The following DDX4 variants were observed in gnomAD, a reference collection of about 807,000 sequenced individuals.
DDX4 encodes DEAD-box helicase 4.
Under a neutral mutation model 100.0 loss-of-function variants are expected in DDX4, and 25 were observed. That is an observed-to-expected ratio of 0.25 (90% CI 0.18 to 0.35). DDX4 has a LOEUF of 0.35. Among genes scored for constraint, DDX4 ranks in the 10% least tolerant of loss-of-function variants. The pLI, the probability that DDX4 is intolerant of heterozygous loss-of-function variation, is 1.00. For synonymous variants in DDX4, 259 were observed against 275.7 expected (o/e 0.94, Z 0.60); for missense variants, 635 against 882.4 (o/e 0.72, Z 3.55).
intron 16 of DDX4, 135 bp downstream of exon 16, chr5:55,790,840 T>C: frequency 1.3e-6 from 1 of 748,658 alleles, no homozygotes; most frequent in East Asian, 2.6e-5. Flanking sequence ...ATTCTTTGAA[T>C]GCATTCTTAT....
intron 3 of DDX4, among the ~76,000 whole-genome samples, chr5:55,755,606 G>A (rs184999750): frequency 5.3e-5 from 8 of 152,042 alleles, no homozygotes; most frequent in Admixed American, 3.9e-4. Context: ...CTTGGTTTTG[G>A]TTTCAAGCTT....
chr5:55,806,239 A>C, intron 18 of DDX4, among the ~76,000 whole-genome samples: 1 of 151,950 alleles, frequency 6.6e-6, no homozygotes, highest in Admixed American at 6.6e-5. Flanking sequence ...TCTTGCTAGC[A>C]GTCTGTCAAT....
chr5:55,798,617 TAATG>T (rs1580592988), intron 18 of DDX4, 46 bp downstream of exon 18: 1 of 1,518,000 alleles, frequency 6.6e-7, no homozygotes, highest in Admixed American at 2.1e-5. Flanking sequence ...TGATTTTTTT[TAATG>T]AATAATTTAA....
chr5:55,749,522 G>A lies in DDX4; in HGVS notation c.127+3301G>A, dbSNP rs142502036. 9.0e-3 allele frequency among the ~76,000 whole-genome samples: 1,363 copies of A among 152,230 alleles called. 9 individuals carry two copies. Among genetic ancestry groups the A allele is most frequent in the Non-Finnish European group, 0.013 (870 of 68,004 alleles). On this transcript the variant is annotated intron_variant, in intron 3 of 21. Coordinates refer to ENST00000505374, the MANE Select transcript of DDX4 (RefSeq NM_024415.3). Reference sequence around the variant, plus strand: ...TAGAAAGTCAGCTCTGTGCAGGGACGCACTGATGGGCTCTACCGTCAAGTG... The same window carrying A: ...TAGAAAGTCAGCTCTGTGCAGGGACACACTGATGGGCTCTACCGTCAAGTG...
chr5:55,792,452 C>T (rs991435759), intron 16 of DDX4, among the ~76,000 whole-genome samples, 189 bp from the exon 17 acceptor site: 17 of 151,612 alleles, frequency 1.1e-4, no homozygotes, highest in African/African-American at 3.4e-4. Context: ...CTCTGCCTCC[C>T]GGGTTCACAC....
chr5:55,763,372 G>T, intron 5 of DDX4, 120 bp downstream of exon 5: 1 of 696,856 alleles, frequency 1.4e-6, no homozygotes, highest in South Asian at 1.7e-5. Flanking sequence ...TATATTCTGT[G>T]AGTGCCTTTG....
intron 3 of DDX4, among the ~76,000 whole-genome samples, chr5:55,757,967 C>T (rs955288779): frequency 2.0e-5 from 3 of 152,306 alleles, no homozygotes; most frequent in African/African-American, 7.2e-5. Context: ...ATTGCTTGAA[C>T]CTGGGGGTCA....
chr5:55,813,551 G>A (rs578023283), intron 18 of DDX4, 122 bp from the exon 19 acceptor site: 2 of 1,312,354 alleles, frequency 1.5e-6, no homozygotes, highest in Non-Finnish European at 2.0e-6. Flanking sequence ...GCTTGGCTGT[G>A]GTGCTGGTAG....
chr5:55,811,892 T>TA (rs1460309881), intron 18 of DDX4, among the ~76,000 whole-genome samples: 4 of 152,176 alleles, frequency 2.6e-5, no homozygotes, highest in Admixed American at 1.3e-4. Context: ...CATGAAGGAA[T>TA]AATACTAGCT....
chr5:55,792,548 TC>T (rs1742646725), intron 16 of DDX4, 92 bp from the exon 17 acceptor site: 23 of 637,974 alleles, frequency 3.6e-5, no homozygotes, highest in Admixed American at 4.5e-5. Context: ...TTTTTTTTTT[TC>T]TTAACAGTAT....
At chr5:55,807,206 C>G (rs1485486951) in intron 18 of DDX4, among the ~76,000 whole-genome samples, 2 of 152,152 alleles carry the variant, frequency 1.3e-5, no homozygotes, top group Admixed American at 1.3e-4. Context: ...TATTTTGAGC[C>G]TATGTGTGGC....
chr5:55,757,099 G>T (rs1397008948), intron 3 of DDX4, among the ~76,000 whole-genome samples: 2 of 152,082 alleles, frequency 1.3e-5, no homozygotes, highest in Admixed American at 1.3e-4. Flanking sequence ...TTCTACTCTT[G>T]TACCATCATT....
chr5:55,765,413 A>AAAAAAAAAAATATATATATAT (rs1392558099), intron 6 of DDX4, among the ~76,000 whole-genome samples: 1 of 83,040 alleles, frequency 1.2e-5, no homozygotes, highest in African/African-American at 5.8e-5. Context: ...AAAAAAAAAA[A>AAAAAAAAAAATATATATATAT]ATATATATAT....
Position 55,814,960 on chromosome 5 carries a change from C to T in DDX4, c.1775C>T (p.Pro592Leu). ...GGAGATTTTCGCTTTGGAAAGTGCC[C>T]AGTTCTTGTTGCTACTTCAGTAGCT... Reference protein sequence around the residue: ...ALGDFRFGKCPVLVATSVAAR... With the variant: ...ALGDFRFGKCLVLVATSVAAR... Residue 592 changes from proline (P) to leucine (L), a missense_variant, in exon 20 of 22, where the codon CCA becomes CTA. By Grantham distance (98) the Pro-to-Leu change is moderately conservative. Around this residue, in one of 4 missense-constraint regions of DDX4, gnomAD observed 115 missense variants for 224.7 expected, o/e 0.51. Transcript: ENST00000505374. 1 of 1,614,182 alleles carries T rather than the reference C, an allele frequency of 6.2e-7. No homozygotes were observed. Among genetic ancestry groups the T allele is most frequent in the Middle Eastern group, 1.6e-4 (1 of 6,062 alleles).
intron 9 of DDX4, among the ~76,000 whole-genome samples, 162 bp from the exon 10 acceptor site, chr5:55,781,772 A>G (rs561643838): frequency 1.2e-3 from 163 of 131,430 alleles, no homozygotes; most frequent in Middle Eastern, 0.012. Flanking sequence ...GTGAGACTTG[A>G]AAAAAAAAAA....
intron 19 of DDX4, 89 bp from the exon 20 acceptor site, chr5:55,814,811 TA>T (rs1744300752): frequency 1.7e-5 from 25 of 1,430,900 alleles, no homozygotes; most frequent in Non-Finnish European, 2.4e-5. Flanking sequence ...TTCATACTAT[TA>T]TTAAAAAGAA....
At chr5:55,780,168 A>G in intron 8 of DDX4, 103 bp downstream of exon 8, 1 of 1,482,648 alleles carries the variant, frequency 6.7e-7, no homozygotes, top group Non-Finnish European at 9.1e-7. Flanking sequence ...TTATATGAGA[A>G]TAGCTTAGCT....
intron 6 of DDX4, among the ~76,000 whole-genome samples, chr5:55,765,875 G>T (rs957696714): frequency 3.3e-5 from 5 of 152,044 alleles, no homozygotes; most frequent in African/African-American, 1.2e-4. Flanking sequence ...TACAGTCTTG[G>T]CTCACTGCAA....
chr5:55,762,237 G>T (rs1370371816), intron 4 of DDX4, among the ~76,000 whole-genome samples: 11 of 152,016 alleles, frequency 7.2e-5, no homozygotes, highest in Non-Finnish European at 1.3e-4. Context: ...ATAGTTTAAA[G>T]CATCATTTTA....
Sources: allele counts gnomAD v4.1 joint callset (sites outside exome capture counted in the v4.1 genomes callset), GRCh38; gene constraint gnomAD v4.1.1; regional missense constraint gnomAD v4.1.1; transcripts MANE v1.5; gene names NCBI Gene and HGNC (gene_info 2026-07-23, HGNC 2026-07-21).